CALN1: variants seen among roughly 807,000 people sequenced by gnomAD.
CALN1 encodes the protein calneuron 1.
Under a neutral mutation model 30.6 loss-of-function variants are expected in CALN1, and 17 were observed. The ratio of observed to expected loss-of-function variants is 0.56; its 90% CI spans 0.38 to 0.83. The LOEUF is 0.83. Ranked by LOEUF, CALN1 falls within the 40% of genes least tolerant of loss-of-function variation. CALN1 has a pLI of 0.00. For synonymous variants in CALN1, 156 were observed against 131.4 expected (o/e 1.19, Z -1.28); for missense variants, 291 against 354.9 (o/e 0.82, Z 1.45).
At chr7:72,229,731 A>C (rs1793945858) in intron 3 of CALN1, among the ~76,000 whole-genome samples, 2 of 151,996 alleles carry the variant, frequency 1.3e-5, no homozygotes. Flanking sequence ...AAGTTGAACA[A>C]TGAGAACACA....
At chr7:72,408,465 G>A (rs759391906) in intron 1 of CALN1, among the ~76,000 whole-genome samples, 1 of 151,646 alleles carries the variant, frequency 6.6e-6, no homozygotes, top group Non-Finnish European at 1.5e-5. Context: ...CACACACAGA[G>A]ATAATAAAGA....
intron 5 of CALN1, among the ~76,000 whole-genome samples, chr7:71,861,989 A>G (rs1043677227): frequency 6.6e-6 from 1 of 152,278 alleles, no homozygotes. Context: ...GCTTCACCTT[A>G]AGGTGCTAGC....
At chr7:72,448,404 G>A (rs1416350651), upstream of CALN1, among the ~76,000 whole-genome samples, 1 of 152,130 alleles carries the variant, frequency 6.6e-6, no homozygotes, top group African/African-American at 2.4e-5. Context: ...CTGTGTCAGG[G>A]ATAGAGGGTC....
At chr7:72,098,633 A>T (rs1484846524) in intron 4 of CALN1, among the ~76,000 whole-genome samples, 2 of 152,108 alleles carry the variant, frequency 1.3e-5, no homozygotes, top group African/African-American at 2.4e-5. Flanking sequence ...GCTTGAAACC[A>T]GGATTTTGAG....
At chr7:72,374,176 G>A (rs140949122) in intron 2 of CALN1, among the ~76,000 whole-genome samples, 31 of 152,308 alleles carry the variant, frequency 2.0e-4, no homozygotes, top group African/African-American at 7.5e-4. Flanking sequence ...CTTGGGGAAT[G>A]AAGAAAAACA....
chr7:71,936,579 G>A (rs1488128619), intron 5 of CALN1, among the ~76,000 whole-genome samples: 1 of 152,066 alleles, frequency 6.6e-6, no homozygotes, highest in Non-Finnish European at 1.5e-5. Flanking sequence ...TGTCTGGTAT[G>A]GGGCTGCAGC....
intron 3 of CALN1, among the ~76,000 whole-genome samples, chr7:72,196,897 T>G (rs1219901889): frequency 6.6e-6 from 1 of 152,126 alleles, no homozygotes; most frequent in African/African-American, 2.4e-5. Flanking sequence ...AGCTCCAAAA[T>G]CCACACTCTT....
Position 71,787,610 on chromosome 7 carries a change from G to T in CALN1, c.*165C>A. The T allele has an allele frequency of 1.1e-6, 1 of 902,146 alleles. No individual in the cohort carries two copies. The highest frequency in any genetic ancestry group is 1.6e-6 in the Non-Finnish European group (1 of 621,028). 55.9% of individuals were successfully genotyped at this position (902,146 alleles called of 1,614,324 possible). A position where few individuals can be genotyped will look rare whatever the true frequency, so the allele number is the denominator to read the frequency against. On this transcript the variant is annotated 3_prime_UTR_variant, in exon 7 of 7. Transcript: ENST00000395275. The stretch of plus-strand genomic sequence containing the variant: ...TCCCTGCCAAGGAGATGAAGCTGAA[G>T]TGCAACCCCAGTTGCACTCAACCTT...
chr7:72,311,906 A>G (rs766801821), intron 2 of CALN1, among the ~76,000 whole-genome samples: 2 of 152,066 alleles, frequency 1.3e-5, no homozygotes, highest in Non-Finnish European at 2.9e-5. Context: ...AACATGAAAG[A>G]TCCAAGAAAT....
intron 3 of CALN1, among the ~76,000 whole-genome samples, chr7:72,126,559 T>C (rs1226641578): frequency 6.6e-6 from 1 of 151,808 alleles, no homozygotes. Context: ...ACCTGTCAAC[T>C]GAGCAATGTA....
At chr7:72,092,565 C>T (rs1048308520) in intron 4 of CALN1, among the ~76,000 whole-genome samples, 2 of 141,986 alleles carry the variant, frequency 1.4e-5, no homozygotes, top group Non-Finnish European at 3.0e-5. Flanking sequence ...CGCCCTTCTT[C>T]ATGGTACTTC....
chr7:72,372,976 T>G (rs1358486856), intron 2 of CALN1, among the ~76,000 whole-genome samples: 2 of 152,106 alleles, frequency 1.3e-5, no homozygotes, highest in Admixed American at 1.3e-4. Context: ...AAAAGGTAGC[T>G]ACCATAAAAT....
chr7:71,853,955 C>T (rs1417438699), intron 5 of CALN1, among the ~76,000 whole-genome samples: 1 of 152,062 alleles, frequency 6.6e-6, no homozygotes, highest in Non-Finnish European at 1.5e-5. Context: ...GTTCAGGAAA[C>T]CTTTGTCTAC....
At chr7:71,896,461 G>T (rs1371582592) in intron 5 of CALN1, among the ~76,000 whole-genome samples, 3 of 152,114 alleles carry the variant, frequency 2.0e-5, no homozygotes, top group Non-Finnish European at 2.9e-5. Context: ...TGCTTACAAG[G>T]CCTGATGCAA....
chr7:71,913,443 T>C (rs902046518), intron 5 of CALN1, among the ~76,000 whole-genome samples: 1 of 152,216 alleles, frequency 6.6e-6, no homozygotes. Context: ...CAGTGCTCAT[T>C]GTAGGTACTA....
chr7:72,491,240 A>C, the CALN1 span, among the ~76,000 whole-genome samples: 1 of 147,882 alleles, frequency 6.8e-6, no homozygotes, highest in Non-Finnish European at 1.5e-5. Context: ...AAAAAAAAAA[A>C]CAAAAACAAA....
intron 3 of CALN1, among the ~76,000 whole-genome samples, chr7:72,140,129 G>C (rs1809791469): frequency 6.6e-6 from 1 of 151,786 alleles, no homozygotes; most frequent in African/African-American, 2.4e-5. Flanking sequence ...AAATTAGCTG[G>C]GAGTGGTGCT....
the CALN1 span, among the ~76,000 whole-genome samples, chr7:72,452,486 C>T: frequency 1.3e-5 from 2 of 152,266 alleles, no homozygotes; most frequent in East Asian, 3.9e-4. Flanking sequence ...CCTTCCTCCT[C>T]CTTCTCTCTC....
At chr7:72,173,262 C>G (rs1341920318) in intron 3 of CALN1, among the ~76,000 whole-genome samples, 1 of 151,810 alleles carries the variant, frequency 6.6e-6, no homozygotes, top group East Asian at 1.9e-4. Flanking sequence ...AAAAGTTATA[C>G]AAAATCTCGA....
Sources: allele counts gnomAD v4.1 joint callset (sites outside exome capture counted in the v4.1 genomes callset), GRCh38; gene constraint gnomAD v4.1.1; transcripts MANE v1.5; gene names NCBI Gene and HGNC (gene_info 2026-07-23, HGNC 2026-07-21).